ALS2: variants seen among roughly 807,000 people sequenced by gnomAD.
The protein encoded by ALS2 is alsin Rho guanine nucleotide exchange factor ALS2, also known as alsin.
Under a neutral mutation model 203.4 loss-of-function variants are expected in ALS2, and 117 were observed. The observed-to-expected ratio is 0.58, with a 90% confidence interval of 0.50 to 0.67. The LOEUF (loss-of-function observed/expected upper bound fraction) is 0.67. Among genes scored for constraint, ALS2 ranks in the 30% least tolerant of loss-of-function variants. The probability of loss-of-function intolerance (pLI) is 0.00; values close to 1 mark genes in which losing one functional copy is unlikely to be tolerated. For missense variants in ALS2, 1,715 were observed against 1,989.4 expected, an observed-to-expected ratio of 0.86 and a Z score of 2.62; for synonymous variants, 718 against 725.9, an observed-to-expected ratio of 0.99 and a Z score of 0.17.
At chr2:201,748,505 G>GT (rs1692818012) in intron 8 of ALS2, among the ~76,000 whole-genome samples, 1 of 152,100 alleles carries the variant, frequency 6.6e-6, no homozygotes, top group Admixed American at 6.5e-5. Context: ...CTAAAATCTT[G>GT]TAACAAACTA....
chr2:201,702,148 G>A (rs1689428045), intron 33 of ALS2, among the ~76,000 whole-genome samples: 1 of 150,840 alleles, frequency 6.6e-6, no homozygotes, highest in African/African-American at 2.4e-5. Flanking sequence ...TTACAAGCTA[G>A]CTAATATTCT....
At chr2:201,733,707 T>G (rs1179976177) in intron 12 of ALS2, among the ~76,000 whole-genome samples, 1 of 152,114 alleles carries the variant, frequency 6.6e-6, no homozygotes. Context: ...GAATCATGCA[T>G]CCAACAATTT....
At chr2:201,760,843 T>C (rs1693717518) in intron 4 of ALS2, 38 bp downstream of exon 4, 2 of 1,595,004 alleles carry the variant, frequency 1.3e-6, no homozygotes, top group African/African-American at 1.3e-5. Flanking sequence ...ACAGTTCAAC[T>C]CTAGACACAC....
intron 9 of ALS2, among the ~76,000 whole-genome samples, chr2:201,746,234 G>C (rs1169233052): frequency 1.3e-5 from 2 of 152,152 alleles, no homozygotes; most frequent in Non-Finnish European, 1.5e-5. Context: ...TATGTACTAT[G>C]CTCATCAAAT....
Position 201,710,052 on chromosome 2 carries a change from G to T in ALS2, c.4123-14C>A, listed in dbSNP as rs1193401013. 1 of 1,613,576 alleles carries T rather than the reference G, an allele frequency of 6.2e-7. No homozygotes were observed. The highest frequency in any genetic ancestry group is 1.7e-5 in the Admixed American group (1 of 59,986). On this transcript the variant is annotated splice_polypyrimidine_tract_variant and intron_variant, in intron 26 of 33. Transcript: ENST00000264276. ...AGTGTCACAGGCCTGAGTAGGAAAA[G>T]AATCAATGAAGTCAGTTGATGTGCA...
chr2:201,760,735 T>A, intron 4 of ALS2, 146 bp downstream of exon 4: 2 of 1,441,834 alleles, frequency 1.4e-6, no homozygotes, highest in South Asian at 3.2e-5. Flanking sequence ...CTTTCCTTTA[T>A]CTAGGCTTGC....
rs1689374441 is a variant in ALS2 at position 201,701,294 on chromosome 2, A to C, written c.*557T>G. The stretch of plus-strand genomic sequence containing the variant: ...TCAAGAAACAGCTTAGAAAAAGTTA[A>C]AACTGCAGTTTAAAAGTTCCTTTCT... On this transcript the variant is annotated 3_prime_UTR_variant, in exon 34 of 34. Transcript: ENST00000264276. The C allele has an allele frequency of 6.5e-6, 1 of 153,050 alleles. No individual in the cohort carries two copies. The highest frequency in any genetic ancestry group is 6.5e-5 in the Admixed American group (1 of 15,332). The allele number at this position is 153,050 out of a possible 1,614,324, so 9.5% of individuals were successfully genotyped here. A position where few individuals can be genotyped will look rare whatever the true frequency, so the allele number is the denominator to read the frequency against.
In ALS2 at chr2:201,726,768, C is replaced by T. The variant is rs747093220; in HGVS notation, c.3078G>A (p.Gln1026=). 1.3e-5 allele frequency: 21 copies of T among 1,614,016 alleles called. No homozygotes were observed. The highest frequency in any genetic ancestry group is 1.8e-5 in the Non-Finnish European group (21 of 1,180,026). Residue 1026 remains glutamine, a synonymous_variant, in exon 18 of 34, where the codon CAG becomes CAA. Transcript: ENST00000264276. ...PYGSGSSVQR[Q]EPPISRSAKY... is the part of the protein sequence containing the mutation. ...TGGCACTGCGTGAAATGGGTGGTTC[C>T]TGTCTCTGAACACTGCTACCACTTC...
chr2:201,748,978 G>C (rs1344849509), intron 8 of ALS2, among the ~76,000 whole-genome samples: 3 of 152,126 alleles, frequency 2.0e-5, no homozygotes, highest in Non-Finnish European at 1.5e-5. Context: ...GGAGATATCA[G>C]AATCCAACTA....
Position 201,760,976 on chromosome 2 carries a change from G to A in ALS2, c.1018C>T (p.Pro340Ser). The A allele has an allele frequency of 6.2e-7, 1 of 1,614,090 alleles. No homozygotes were observed. Among genetic ancestry groups the A allele is most frequent in the Non-Finnish European group, 8.5e-7 (1 of 1,180,024 alleles). ...ISSARNIPSY[P>S]DTQAVNEYLR... ...TATTCATTGACTGCTTGGGTGTCAG[G>A]GTATGATGGTATGTTTCTGGCAGAG... Residue 340 changes from proline to serine, a missense_variant, in exon 4 of 34, where the codon CCT becomes TCT. Physicochemically the swap from Pro to Ser is moderately conservative, Grantham distance 74. Transcript: ENST00000264276.
chr2:201,727,010 G>C (rs1455818094), intron 17 of ALS2, 144 bp from the exon 18 acceptor site: 1 of 876,234 alleles, frequency 1.1e-6, no homozygotes, highest in East Asian at 2.6e-5. Context: ...ACTGGCTCTT[G>C]TATTTCTCTG....
chr2:201,767,431 G>T (rs1694147694), intron 2 of ALS2, 48 bp from the exon 3 acceptor site: 2 of 1,588,806 alleles, frequency 1.3e-6, no homozygotes, highest in Non-Finnish European at 1.7e-6. Context: ...ATTCAGAACA[G>T]TATCCTTTGT....
Position 201,726,530 on chromosome 2 carries a change from C to T in ALS2, c.3202G>A (p.Asp1068Asn). ...AACATGCCAGAATACATCTTTCCATCAGGCCACTTCAAAACCCCTCTGGAA... is the reference window on the plus strand; with the variant it reads ...AACATGCCAGAATACATCTTTCCATTAGGCCACTTCAAAACCCCTCTGGAA... ...PHGRGVLKWP[D>N]GKMYSGMFRN... is the part of the protein sequence containing the mutation. Residue 1068 changes from aspartate to asparagine, a missense_variant, in exon 19 of 34, where the codon GAT becomes AAT. By Grantham distance (23) the Asp-to-Asn change is conservative. Coordinates refer to ENST00000264276, the MANE Select transcript of ALS2 (RefSeq NM_020919.4). 6 of 1,614,158 alleles carry T rather than the reference C, an allele frequency of 3.7e-6. No homozygotes were observed. Among genetic ancestry groups the T allele is most frequent in the African/African-American group, 1.3e-5 (1 of 75,054 alleles).
intron 9 of ALS2, 27 bp downstream of exon 9, chr2:201,746,539 G>A: frequency 6.2e-7 from 1 of 1,612,332 alleles, no homozygotes; most frequent in Non-Finnish European, 8.5e-7. Context: ...TACTGAATGT[G>A]GGCCTTAGGA....
intron 1 of ALS2, among the ~76,000 whole-genome samples, chr2:201,779,827 T>C (rs958014786): frequency 1.3e-5 from 2 of 152,178 alleles, no homozygotes; most frequent in African/African-American, 4.8e-5. Context: ...CCACTATGCT[T>C]ATGTTATCAA....
At chr2:201,750,852 CT>C (rs550778369) in intron 7 of ALS2, among the ~76,000 whole-genome samples, 3,191 of 137,420 alleles carry the variant, frequency 0.023, 27 homozygotes, top group Non-Finnish European at 0.031. Context: ...TTTCCAATTC[CT>C]TTTTTTTTTT....
intron 5 of ALS2, among the ~76,000 whole-genome samples, chr2:201,756,819 G>C (rs1693430353): frequency 6.6e-6 from 1 of 152,220 alleles, no homozygotes; most frequent in East Asian, 1.9e-4. Flanking sequence ...AGTAAGTCGA[G>C]AGTGGAACCT....
intron 4 of ALS2, chr2:201,759,893 C>G (rs1161811249): frequency 1.0e-6 from 1 of 985,180 alleles, no homozygotes; most frequent in Non-Finnish European, 1.2e-6. Context: ...AAAGGCCACA[C>G]TAAGAGTAAA....
intron 4 of ALS2, among the ~76,000 whole-genome samples, chr2:201,758,284 T>C (rs1693526589): frequency 6.6e-6 from 1 of 152,204 alleles, no homozygotes; most frequent in African/African-American, 2.4e-5. Context: ...ATATAGCATA[T>C]GGAGATGGAA....
Sources: gnomAD v4.1 joint callset for allele counts (sites outside exome capture counted in the v4.1 genomes callset) on GRCh38, gnomAD v4.1.1 for gene constraint, MANE v1.5 for transcripts, NCBI Gene and HGNC (gene_info 2026-07-23, HGNC 2026-07-21) for gene names.